The following CEP85 variants were observed in gnomAD, a reference collection of about 807,000 sequenced individuals.
CEP85 encodes centrosomal protein 85, also known as centrosomal protein of 85 kDa.
Under a neutral mutation model 93.7 loss-of-function variants are expected in CEP85, and 58 were observed. The ratio of observed to expected loss-of-function variants is 0.62; its 90% CI spans 0.50 to 0.77. The LOEUF (loss-of-function observed/expected upper bound fraction) is 0.77. Among genes scored for constraint, CEP85 ranks in the 30% least tolerant of loss-of-function variants. The pLI, the probability that CEP85 is intolerant of heterozygous loss-of-function variation, is 0.00. For synonymous variants in CEP85, 314 were observed against 338.6 expected (o/e 0.93, Z 0.80); for missense variants, 868 against 922.0 (o/e 0.94, Z 0.76).
At chr1:26,259,919 C>T in intron 7 of CEP85, 117 bp downstream of exon 7, 1 of 746,058 alleles carries the variant, frequency 1.3e-6, no homozygotes, top group Non-Finnish European at 2.1e-6. Context: ...TGAGATCCTC[C>T]ACTGGCTTCT....
At chr1:26,238,851 G>C (rs903172971) in intron 1 of CEP85, among the ~76,000 whole-genome samples, 3 of 152,154 alleles carry the variant, frequency 2.0e-5, no homozygotes, top group African/African-American at 7.2e-5. Context: ...CTAGTGTACT[G>C]TAAATATAAA....
At chr1:26,247,756 C>A (rs1215068764) in intron 3 of CEP85, among the ~76,000 whole-genome samples, 1 of 152,160 alleles carries the variant, frequency 6.6e-6, no homozygotes, top group Non-Finnish European at 1.5e-5. Flanking sequence ...ATCTTTCCAC[C>A]TAAGCCTTCC....
At chr1:26,276,493 CCCTGGG>C in intron 12 of CEP85, 36 bp from the exon 13 acceptor site, 1 of 1,487,402 alleles carries the variant, frequency 6.7e-7, no homozygotes, top group Non-Finnish European at 9.4e-7. Flanking sequence ...CTCTTCCTCT[CCCTGGG>C]CCTGAGTTAA....
chr1:26,257,826 C>A, intron 5 of CEP85, 96 bp downstream of exon 5: 1 of 1,368,846 alleles, frequency 7.3e-7, no homozygotes, highest in Non-Finnish European at 1.0e-6. Flanking sequence ...CATTCCTCCT[C>A]TGTTTAGGTC....
Position 26,277,646 on chromosome 1 carries a change from T to C in CEP85, c.*353T>C, listed in dbSNP as rs1219580049. On this transcript the variant is annotated 3_prime_UTR_variant, in exon 14 of 14. Coordinates refer to ENST00000451429, the MANE Select transcript of CEP85 (RefSeq NM_001319944.2). ...GGGATGGATCCATGTTCATTCCCAC[T>C]TCACACCTTGGTCCTGCTGATTAGA... is the stretch of plus-strand genomic sequence containing the variant. The C allele has an allele frequency of 5.5e-6, 1 of 181,148 alleles. No homozygotes were observed. The highest frequency in any genetic ancestry group is 1.2e-5 in the Non-Finnish European group (1 of 83,558). The allele number at this position is 181,148 out of a possible 1,614,324, so 11.2% of individuals were successfully genotyped here.
chr1:26,239,513 G>T (rs1212775583), intron 1 of CEP85, among the ~76,000 whole-genome samples: 2 of 151,494 alleles, frequency 1.3e-5, no homozygotes, highest in Non-Finnish European at 2.9e-5. Flanking sequence ...CACCATGCCC[G>T]GCCAATTTTT....
intron 1 of CEP85, among the ~76,000 whole-genome samples, chr1:26,238,496 G>A (rs757047143): frequency 1.1e-4 from 17 of 152,204 alleles, no homozygotes; most frequent in South Asian, 4.1e-4. Context: ...GAGCCCGGCC[G>A]AATTGTCCCA....
intron 9 of CEP85, among the ~76,000 whole-genome samples, chr1:26,270,090 A>G (rs1232048816): frequency 6.6e-6 from 1 of 152,058 alleles, no homozygotes; most frequent in African/African-American, 2.4e-5. Flanking sequence ...AGCGGCTTTT[A>G]TATCTTTGGC....
chr1:26,266,017 G>A (rs1300910380), intron 7 of CEP85, among the ~76,000 whole-genome samples: 1 of 152,040 alleles, frequency 6.6e-6, no homozygotes, highest in East Asian at 1.9e-4. Context: ...AGATCAGCGT[G>A]GCCAACATGG....
At chr1:26,251,613 T>C (rs1386490746) in intron 3 of CEP85, among the ~76,000 whole-genome samples, 1 of 152,196 alleles carries the variant, frequency 6.6e-6, no homozygotes, top group African/African-American at 2.4e-5. Flanking sequence ...TAATCTATTA[T>C]GAGGCTTCTA....
At position 26,259,242 on chromosome 1, in the gene CEP85, C is replaced by G. The variant is rs182200432; in HGVS notation, c.1156-375C>G. Among the ~76,000 whole-genome samples, 20 of 152,254 alleles carry G rather than the reference C, an allele frequency of 1.3e-4. No individual in the cohort carries two copies. The East Asian group carries it at 3.5e-3, about 26-fold the overall frequency. ...GAGTGGAGGGAAGCCAGGCTTTGAG[C>G]CCAGGTCTTCTGATGTCTTGTCCTA... On this transcript the variant is annotated intron_variant, in intron 6 of 13. Transcript: ENST00000451429.
At chr1:26,247,377 G>A (rs2089526934) in intron 3 of CEP85, among the ~76,000 whole-genome samples, 1 of 151,578 alleles carries the variant, frequency 6.6e-6, no homozygotes, top group South Asian at 2.1e-4. Context: ...TTCAATAAAG[G>A]TTTTTGTTTT....
chr1:26,249,551 G>A (rs1387230342), intron 3 of CEP85, among the ~76,000 whole-genome samples: 3 of 152,100 alleles, frequency 2.0e-5, no homozygotes, highest in East Asian at 1.9e-4. Flanking sequence ...AAAGATTCTC[G>A]AGGGACAGAG....
intron 6 of CEP85, among the ~76,000 whole-genome samples, chr1:26,258,606 T>C (rs2124587596): frequency 6.8e-6 from 1 of 146,256 alleles, no homozygotes; most frequent in Non-Finnish European, 1.5e-5. Flanking sequence ...AGCTATTCTC[T>C]CTCTTTTTTT....
chr1:26,273,800 G>A (rs2090012184), intron 11 of CEP85, among the ~76,000 whole-genome samples: 1 of 152,022 alleles, frequency 6.6e-6, no homozygotes, highest in Non-Finnish European at 1.5e-5. Context: ...GGGAGGCTGA[G>A]GCAGGAGAAT....
At chr1:26,245,181 C>T (rs1348833053) in intron 3 of CEP85, among the ~76,000 whole-genome samples, 3 of 124,486 alleles carry the variant, frequency 2.4e-5, no homozygotes, top group African/African-American at 9.4e-5. Flanking sequence ...GCCACCACAC[C>T]CAGCTATTTT....
chr1:26,255,080 C>T, intron 3 of CEP85, 91 bp from the exon 4 acceptor site: 1 of 1,050,580 alleles, frequency 9.5e-7, no homozygotes, highest in Non-Finnish European at 1.4e-6. Context: ...TGCTTGGTCT[C>T]AGGACAGGCC....
At chr1:26,252,407 C>T (rs2089632921) in intron 3 of CEP85, among the ~76,000 whole-genome samples, 1 of 151,652 alleles carries the variant, frequency 6.6e-6, no homozygotes, top group Non-Finnish European at 1.5e-5. Context: ...TGGAGCATGC[C>T]TTTAATCCCA....
At chr1:26,270,614 G>A (rs2124608094) in intron 9 of CEP85, among the ~76,000 whole-genome samples, 1 of 152,374 alleles carries the variant, frequency 6.6e-6, no homozygotes, top group Middle Eastern at 3.4e-3. Context: ...AGAGTCAGAA[G>A]TGGGGTTAGA....
Sources: gnomAD v4.1 joint callset for allele counts (sites outside exome capture counted in the v4.1 genomes callset) on GRCh38, gnomAD v4.1.1 for gene constraint, MANE v1.5 for transcripts, NCBI Gene and HGNC (gene_info 2026-07-23, HGNC 2026-07-21) for gene names.